Variants in UBE3C observed in about 807,000 individuals in gnomAD.
UBE3C encodes the protein ubiquitin-protein ligase E3C.
Under a neutral mutation model 129.4 loss-of-function variants are expected in UBE3C, and 42 were observed. The ratio of observed to expected loss-of-function variants is 0.32; its 90% CI spans 0.25 to 0.42. The LOEUF (loss-of-function observed/expected upper bound fraction) is 0.42. Ranked by LOEUF, UBE3C falls within the 10% of genes least tolerant of loss-of-function variation. UBE3C has a pLI of 1.00. For missense variants in UBE3C, 1,049 were observed against 1,319.1 expected (o/e 0.80, Z 3.17); for synonymous variants, 510 against 492.4 (o/e 1.04, Z -0.47).
intron 22 of UBE3C, among the ~76,000 whole-genome samples, chr7:157,262,221 C>T (rs895014259): frequency 1.1e-4 from 17 of 151,660 alleles, no homozygotes; most frequent in Admixed American, 6.6e-4. Flanking sequence ...TCTGGTTCTC[C>T]TTTGGTTCTC....
rs141496509 is a variant in UBE3C at position 157,261,409 on chromosome 7, G to A, written c.3081+4365G>A. Among the ~76,000 whole-genome samples the A allele has an allele frequency of 3.4e-3, 516 of 150,684 alleles. 3 individuals carry two copies. The highest frequency in any genetic ancestry group is 0.011 in the African/African-American group (470 of 40,974). The stretch of plus-strand genomic sequence containing the variant: ...CGCACAATCATAATTGAGTTATACC[G>A]TGGAAAACACTTTGAGCATCCATGA... On this transcript the variant is annotated intron_variant, in intron 22 of 22. Transcript: ENST00000348165.
At chr7:157,223,915 A>G (rs978489801) in intron 16 of UBE3C, among the ~76,000 whole-genome samples, 2 of 152,154 alleles carry the variant, frequency 1.3e-5, no homozygotes, top group Admixed American at 6.5e-5. Flanking sequence ...GCCAGAACCT[A>G]TCTCAAAGGG....
At chr7:157,139,976 C>T in intron 1 of UBE3C, 3 of 985,412 alleles carry the variant, frequency 3.0e-6, no homozygotes, top group Non-Finnish European at 3.6e-6. Context: ...TGGAGAGACT[C>T]CGGACTTACA....
chr7:157,175,164 C>G (rs1808485840), intron 5 of UBE3C, 130 bp downstream of exon 5: 1 of 388,540 alleles, frequency 2.6e-6, no homozygotes. Context: ...TTTTTGAGGT[C>G]ATGGACTTCT....
intron 4 of UBE3C, among the ~76,000 whole-genome samples, chr7:157,173,142 G>C (rs529167666): frequency 6.6e-6 from 1 of 152,314 alleles, no homozygotes; most frequent in South Asian, 2.1e-4. Context: ...GTGGGGCTGA[G>C]GTGGGAGGAT....
At chr7:157,144,690 T>TAA (rs79516096) in intron 1 of UBE3C, among the ~76,000 whole-genome samples, 37 of 151,390 alleles carry the variant, frequency 2.4e-4, no homozygotes, top group Non-Finnish European at 3.7e-4. Context: ...GTGCTTTTTT[T>TAA]AAAAAAAAAT....
intron 17 of UBE3C, among the ~76,000 whole-genome samples, chr7:157,229,297 T>C (rs1795958425): frequency 6.6e-6 from 1 of 152,162 alleles, no homozygotes; most frequent in Non-Finnish European, 1.5e-5. Context: ...ACCTTGTGTT[T>C]TTTTTGGTTT....
chr7:157,236,267 G>A (rs1243091461), intron 18 of UBE3C, among the ~76,000 whole-genome samples: 1 of 152,114 alleles, frequency 6.6e-6, no homozygotes, highest in Non-Finnish European at 1.5e-5. Context: ...AAGCACCTAG[G>A]TCCATTTAAG....
intron 22 of UBE3C, among the ~76,000 whole-genome samples, chr7:157,260,175 AT>A (rs2116706836): frequency 9.9e-6 from 1 of 100,568 alleles, no homozygotes; most frequent in South Asian, 3.6e-4. Flanking sequence ...TTTACCAGAT[AT>A]GGGGGGTGGG....
intron 4 of UBE3C, 70 bp from the exon 5 acceptor site, chr7:157,174,849 G>T (rs1808472445): frequency 3.4e-6 from 4 of 1,160,696 alleles, no homozygotes; most frequent in Non-Finnish European, 4.9e-6. Flanking sequence ...GGAAATTTGG[G>T]GTATTATGTA....
chr7:157,206,864 G>A (rs1044398724), intron 11 of UBE3C, among the ~76,000 whole-genome samples: 4 of 152,246 alleles, frequency 2.6e-5, no homozygotes, highest in African/African-American at 9.6e-5. Context: ...GAATAAAGTG[G>A]ACAGTGGGAG....
In UBE3C at chr7:157,170,384, C is replaced by T. The variant is rs561394575; in HGVS notation, c.276C>T (p.Pro92=). 1.9e-6 allele frequency: 3 copies of T among 1,576,464 alleles called. No homozygotes were observed. The highest frequency in any genetic ancestry group is 1.2e-5 in the South Asian group (1 of 84,668). The change falls in exon 4 of 23, where the codon CCC becomes CCT. Residue 92 remains proline (P), a synonymous_variant. Transcript: ENST00000348165. ...GCGCTTTTCCCATTGCTAATGGCCC[C>T]AACCTTACCCTTTTGGTAAGGCAGC... The part of the protein sequence containing the change: ...SGGAFPIANG[P]NLTLLVRQLL...
chr7:157,163,231 C>T (rs997138050), intron 1 of UBE3C, among the ~76,000 whole-genome samples: 10 of 151,590 alleles, frequency 6.6e-5, no homozygotes, highest in Admixed American at 5.9e-4. Flanking sequence ...TAAAAAAATA[C>T]AAAAAATTAG....
At chr7:157,173,390 G>A (rs1013280994) in intron 4 of UBE3C, among the ~76,000 whole-genome samples, 8 of 152,154 alleles carry the variant, frequency 5.3e-5, no homozygotes, top group African/African-American at 1.9e-4. Context: ...GCATAGATGC[G>A]ATAGCAATAA....
chr7:157,182,329 G>A lies in UBE3C; in HGVS notation c.991+1G>A, dbSNP rs1300965579. On this transcript the variant is annotated splice_donor_variant, in intron 8 of 22. Coordinates refer to ENST00000348165, the MANE Select transcript of UBE3C (RefSeq NM_014671.3). LOFTEE classifies it high-confidence loss of function. ...TTAACTGTTGGCGAAAATTATTTGG[G>A]TATGAAATACAAGATCTTTTTTACC... 1 of 1,612,754 alleles carries A rather than the reference G, an allele frequency of 6.2e-7. No homozygotes were observed. Among genetic ancestry groups the A allele is most frequent in the Non-Finnish European group, 8.5e-7 (1 of 1,179,692 alleles).
intron 10 of UBE3C, among the ~76,000 whole-genome samples, chr7:157,190,942 G>C (rs1808946399): frequency 6.6e-6 from 1 of 152,148 alleles, no homozygotes; most frequent in Non-Finnish European, 1.5e-5. Flanking sequence ...GTCTCTTCCA[G>C]TTAATGTCTG....
At chr7:157,220,035 A>G (rs953079131) in intron 14 of UBE3C, among the ~76,000 whole-genome samples, 32 of 152,120 alleles carry the variant, frequency 2.1e-4, no homozygotes, top group Non-Finnish European at 3.7e-4. Flanking sequence ...AGATAGCAAA[A>G]CCCCATCTCT....
At chr7:157,197,667 G>A in intron 10 of UBE3C, 1 of 1,609,854 alleles carries the variant, frequency 6.2e-7, no homozygotes, top group Non-Finnish European at 8.5e-7. Flanking sequence ...GCTTTCATCT[G>A]TTAGCTCTTT....
chr7:157,163,079 G>A (rs1210191148), intron 1 of UBE3C, among the ~76,000 whole-genome samples: 1 of 152,022 alleles, frequency 6.6e-6, no homozygotes, highest in Non-Finnish European at 1.5e-5. Flanking sequence ...TTCATATGCA[G>A]CTGTTAGAAA....
Sources: gnomAD v4.1 joint callset for allele counts (sites outside exome capture counted in the v4.1 genomes callset) on GRCh38, gnomAD v4.1.1 for gene constraint, MANE v1.5 for transcripts, NCBI Gene and HGNC (gene_info 2026-07-23, HGNC 2026-07-21) for gene names.